Variants in TBC1D30 observed in about 807,000 individuals in gnomAD.
The protein encoded by TBC1D30 is TBC1 domain family member 30, also known as TBC1 domain family, member 30.
TBC1D30 carries 31 observed loss-of-function variants against 63.2 expected under a neutral mutation model. The ratio of observed to expected loss-of-function variants is 0.49; its 90% confidence interval spans 0.37 to 0.66. TBC1D30 has a LOEUF of 0.66. TBC1D30 is among the 30% of genes least tolerant of loss of function. TBC1D30 has a pLI of 0.00. For missense variants in TBC1D30, 810 were observed against 953.6 expected, an observed-to-expected ratio of 0.85 and a Z score of 1.98; for synonymous variants, 307 against 361.5, an observed-to-expected ratio of 0.85 and a Z score of 1.71.
rs1398235364 is a variant in TBC1D30, at chr12:64,828,433, T to C, written c.217-11T>C. On this transcript the variant is annotated splice_polypyrimidine_tract_variant and intron_variant, in intron 2 of 11. Coordinates refer to ENST00000539867, the MANE Select transcript of TBC1D30 (RefSeq NM_015279.2). The stretch of plus-strand genomic sequence containing the variant: ...TGTGATCACCTCCTGGGATTTCTTC[T>C]TTGTTCCTAGTGGTACGATGCTCTC... The C allele has an allele frequency of 1.3e-6, 2 of 1,534,116 alleles. No homozygotes were observed. The highest frequency in any genetic ancestry group is 1.7e-6 in the Non-Finnish European group (2 of 1,145,234).
chr12:64,866,448 T>G (rs559652033), intron 9 of TBC1D30, among the ~76,000 whole-genome samples: 3 of 152,172 alleles, frequency 2.0e-5, no homozygotes, highest in Admixed American at 2.0e-4. Context: ...AATTCTTTTT[T>G]TTTTTGAGAC....
At chr12:64,865,770 T>C (rs1365848284) in intron 9 of TBC1D30, among the ~76,000 whole-genome samples, 2 of 152,108 alleles carry the variant, frequency 1.3e-5, no homozygotes, top group Non-Finnish European at 2.9e-5. Context: ...GCAGGAGGAT[T>C]GCTTGCGCCT....
intron 1 of TBC1D30, among the ~76,000 whole-genome samples, chr12:64,772,185 C>T (rs913477865): frequency 2.8e-5 from 4 of 143,608 alleles, no homozygotes; most frequent in African/African-American, 1.0e-4. Context: ...TGTGGTGAGC[C>T]GAGATCGTGC....
chr12:64,876,800 CTT>C lies in TBC1D30; in HGVS notation c.*1014_*1015del, dbSNP rs750870986. On this transcript the variant is annotated 3_prime_UTR_variant, in exon 12 of 12. Transcript: ENST00000539867. Reference sequence around the variant, plus strand: ...CCTTTCTCTGGAGAAGGCCCCAGTGCTTTCTAGCTCCCTCTCACTCCTGCCCT... The same window carrying C: ...CCTTTCTCTGGAGAAGGCCCCAGTGCTCTAGCTCCCTCTCACTCCTGCCCT... 28 of 456,100 alleles carry C rather than the reference CTT, an allele frequency of 6.1e-5. No individual in the cohort carries two copies. Among genetic ancestry groups the C allele is most frequent in the South Asian group, 4.3e-4 (28 of 64,564 alleles). 28.3% of individuals were successfully genotyped at this position (456,100 alleles called of 1,614,324 possible). A position where few individuals can be genotyped will look rare whatever the true frequency, so the allele number is the denominator to read the frequency against.
intron 8 of TBC1D30, among the ~76,000 whole-genome samples, chr12:64,849,676 C>G (rs1179985265): frequency 6.6e-6 from 1 of 152,030 alleles, no homozygotes; most frequent in Non-Finnish European, 1.5e-5. Flanking sequence ...GTTACTGTAG[C>G]CTTGTAGTAT....
intron 2 of TBC1D30, among the ~76,000 whole-genome samples, chr12:64,803,323 T>C (rs1872690359): frequency 1.3e-5 from 2 of 152,226 alleles, no homozygotes; most frequent in Non-Finnish European, 2.9e-5. Context: ...TCATATCCTT[T>C]GCCCACTTTT....
At chr12:64,867,033 T>C (rs1878278993) in intron 10 of TBC1D30, 130 bp downstream of exon 10, 3 of 1,049,710 alleles carry the variant, frequency 2.9e-6, no homozygotes, top group Non-Finnish European at 4.0e-6. Flanking sequence ...TTTATTAGGC[T>C]AGTCATGGTG....
At chr12:64,805,886 G>T (rs1872840168) in intron 2 of TBC1D30, among the ~76,000 whole-genome samples, 1 of 152,080 alleles carries the variant, frequency 6.6e-6, no homozygotes, top group Non-Finnish European at 1.5e-5. Context: ...TAAGATTTTA[G>T]TTGCCATAGT....
chr12:64,875,290 C>T lies in TBC1D30; in HGVS notation c.1788C>T (p.Asn596=), dbSNP rs564361650. Residue 596 remains asparagine (N), a synonymous_variant, in exon 12 of 12, where the codon AAC becomes AAT. Transcript: ENST00000539867. ...CCGTAGGGCTGATAGATGAGCAGAA[C>T]GAGGCCAGCAAGACCAATGGGCTGG... ...GDTVGLIDEQ[N]EASKTNGLGA... is the part of the protein sequence containing the mutation. 1.5e-4 allele frequency: 228 copies of T among 1,536,268 alleles called. No homozygotes were observed. The highest frequency in any genetic ancestry group is 4.9e-4 in the African/African-American group (36 of 73,150).
exon 1 of TBC1D30, chr12:64,759,635 A>T (rs569676750): frequency 3.2e-6 from 1 of 309,828 alleles, no homozygotes; most frequent in Non-Finnish European, 6.0e-6. Flanking sequence ...GAGAACCGGG[A>T]AAAGGTCAAG....
chr12:64,834,716 T>G (rs893396224), intron 5 of TBC1D30, among the ~76,000 whole-genome samples: 80 of 147,274 alleles, frequency 5.4e-4, no homozygotes, highest in African/African-American at 2.0e-3. Flanking sequence ...GCTTTTTTTT[T>G]TTTTTTTTTT....
intron 1 of TBC1D30, among the ~76,000 whole-genome samples, chr12:64,772,221 G>T (rs1490206501): frequency 8.1e-6 from 1 of 123,884 alleles, no homozygotes; most frequent in Non-Finnish European, 1.6e-5. Flanking sequence ...TGGGCAACAA[G>T]AGTGAAACTC....
At position 64,879,599 on chromosome 12, in the gene TBC1D30, G is replaced by A. The variant is rs1879327166; in HGVS notation, c.*3811G>A. The A allele has an allele frequency of 6.6e-6, 1 of 152,142 alleles. No homozygotes were observed. Among genetic ancestry groups the A allele is most frequent in the Non-Finnish European group, 1.5e-5 (1 of 68,030 alleles). 9.4% of individuals were successfully genotyped at this position (152,142 alleles called of 1,614,324 possible). A position where few individuals can be genotyped will look rare whatever the true frequency, so the allele number is the denominator to read the frequency against. On this transcript the variant is annotated 3_prime_UTR_variant, in exon 12 of 12. Coordinates refer to ENST00000539867, the MANE Select transcript of TBC1D30 (RefSeq NM_015279.2). ...TTTCCTTTCTATGACTTCTAGTGTG[G>A]AAGTGCCAACAGAAGTGTTTTAGAA...
chr12:64,775,518 TA>T (rs1259591090), upstream of TBC1D30, among the ~76,000 whole-genome samples: 1 of 151,846 alleles, frequency 6.6e-6, no homozygotes, highest in South Asian at 2.1e-4. Context: ...CCAACAAAGA[TA>T]AAAAAAGACA....
In TBC1D30 at chr12:64,880,694, A is replaced by C. The variant is rs1592677779; in HGVS notation, c.*4906A>C. ...CTCTGGTGAGACCAAATGACCTGCA[A>C]AGTGTCACTTGATTCCATTCTCTCC... On this transcript the variant is annotated 3_prime_UTR_variant, in exon 12 of 12. Coordinates refer to ENST00000539867, the MANE Select transcript of TBC1D30 (RefSeq NM_015279.2). 1 of 152,146 alleles carries C rather than the reference A, an allele frequency of 6.6e-6. No individual in the cohort carries two copies. Among genetic ancestry groups the C allele is most frequent in the Non-Finnish European group, 1.5e-5 (1 of 68,032 alleles). 9.4% of individuals were successfully genotyped at this position (152,146 alleles called of 1,614,324 possible). A position where few individuals can be genotyped will look rare whatever the true frequency, so the allele number is the denominator to read the frequency against.
intron 10 of TBC1D30, 146 bp downstream of exon 10, chr12:64,867,049 T>C: frequency 3.2e-6 from 3 of 927,064 alleles, no homozygotes; most frequent in East Asian, 2.7e-5. Context: ...TGGTGGGTCA[T>C]GCCTGTAAGC....
chr12:64,816,978 G>A (rs1873581240), intron 2 of TBC1D30, among the ~76,000 whole-genome samples: 3 of 152,176 alleles, frequency 2.0e-5, no homozygotes, highest in Admixed American at 1.3e-4. Context: ...ACAGGTGTGA[G>A]CCACCATGCC....
chr12:64,835,220 A>G (rs574898538), intron 5 of TBC1D30, among the ~76,000 whole-genome samples: 27 of 152,288 alleles, frequency 1.8e-4, no homozygotes, highest in Admixed American at 1.3e-3. Flanking sequence ...TAAGAAGGCT[A>G]AGGCCTTCTG....
At chr12:64,794,913 T>A (rs563557763) in intron 2 of TBC1D30, among the ~76,000 whole-genome samples, 44 of 152,372 alleles carry the variant, frequency 2.9e-4, no homozygotes, top group Non-Finnish European at 5.0e-4. Context: ...ATATATTTTC[T>A]TATTGCTCTA....
Sources: allele counts gnomAD v4.1 joint callset (sites outside exome capture counted in the v4.1 genomes callset), GRCh38; gene constraint gnomAD v4.1.1; transcripts MANE v1.5; gene names NCBI Gene and HGNC (gene_info 2026-07-23, HGNC 2026-07-21).